RORA: variants seen among roughly 807,000 people sequenced by gnomAD.
RORA encodes the protein RAR related orphan receptor A.
Under a neutral mutation model 69.5 loss-of-function variants are expected in RORA, and 7 were observed. That is an observed-to-expected ratio of 0.10 (90% CI 0.06 to 0.19). RORA has a LOEUF of 0.19. Among genes scored for constraint, RORA ranks in the 10% least tolerant of loss-of-function variants. The pLI, the probability that RORA is intolerant of heterozygous loss-of-function variation, is 1.00. For missense variants in RORA, 457 were observed against 663.0 expected (o/e 0.69, Z 3.41); for synonymous variants, 261 against 240.8 (o/e 1.08, Z -0.78).
chr15:60,491,480 A>T lies in RORA; in HGVS notation c.*5975T>A, dbSNP rs1429726771. The T allele has an allele frequency of 6.6e-6, 1 of 152,100 alleles. No homozygotes were observed. The highest frequency in any genetic ancestry group is 1.5e-5 in the Non-Finnish European group (1 of 68,022). The allele number at this position is 152,100 out of a possible 1,614,324, so 9.4% of individuals were successfully genotyped here. On this transcript the variant is annotated 3_prime_UTR_variant, in exon 11 of 11. Coordinates refer to ENST00000335670, the MANE Select transcript of RORA (RefSeq NM_134261.3). ...ATATTCATATTCACTTTCTCAATAT[A>T]AGACTCCATGTTATGTTGCATCACT...
chr15:60,592,611 C>T, intron 2 of RORA: 1 of 1,182,350 alleles, frequency 8.5e-7, no homozygotes, highest in African/African-American at 1.6e-5. Flanking sequence ...TTACACCGCG[C>T]CCCTCCGCTT....
At chr15:61,219,472 G>A (rs2080074346) in intron 1 of RORA, among the ~76,000 whole-genome samples, 2 of 152,216 alleles carry the variant, frequency 1.3e-5, no homozygotes, top group Admixed American at 1.3e-4. Flanking sequence ...CTATTCGGGA[G>A]GCTGAGGCAG....
intron 1 of RORA, among the ~76,000 whole-genome samples, chr15:61,054,464 C>T (rs1047238742): frequency 1.3e-5 from 2 of 152,122 alleles, no homozygotes; most frequent in Non-Finnish European, 2.9e-5. Flanking sequence ...ATAATTAAGA[C>T]AGTAGGGCTA....
At chr15:60,618,771 T>C (rs2140614452) in intron 2 of RORA, among the ~76,000 whole-genome samples, 1 of 152,322 alleles carries the variant, frequency 6.6e-6, no homozygotes, top group Non-Finnish European at 1.5e-5. Flanking sequence ...CTTTCCAACA[T>C]TTCTATGTTA....
intron 1 of RORA, among the ~76,000 whole-genome samples, chr15:61,101,020 G>A (rs1595987113): frequency 6.6e-6 from 1 of 152,332 alleles, no homozygotes; most frequent in East Asian, 1.9e-4. Context: ...GATAGATAAT[G>A]TGCCTTAGCT....
At chr15:61,009,522 CTATT>C (rs1895024320) in intron 1 of RORA, among the ~76,000 whole-genome samples, 1 of 152,190 alleles carries the variant, frequency 6.6e-6, no homozygotes. Context: ...CATAGACTGT[CTATT>C]TATACCTATA....
chr15:60,522,986 C>T (rs1046855838), intron 3 of RORA, among the ~76,000 whole-genome samples: 4 of 147,658 alleles, frequency 2.7e-5, no homozygotes, highest in African/African-American at 1.0e-4. Context: ...TGCAGTGAGC[C>T]GAGATCACAC....
At chr15:61,223,917 A>T (rs1351439176) in intron 1 of RORA, among the ~76,000 whole-genome samples, 1 of 152,082 alleles carries the variant, frequency 6.6e-6, no homozygotes, top group African/African-American at 2.4e-5. Context: ...TTAAAAATAC[A>T]ATTTTATTTT....
chr15:60,777,782 G>A (rs1175786736), intron 1 of RORA, among the ~76,000 whole-genome samples: 6 of 152,156 alleles, frequency 3.9e-5, no homozygotes, highest in African/African-American at 1.4e-4. Context: ...CCGCAATCTC[G>A]GCAGCACAGG....
intron 1 of RORA, among the ~76,000 whole-genome samples, chr15:60,996,441 G>T (rs1191582643): frequency 3.3e-5 from 5 of 152,158 alleles, no homozygotes; most frequent in Non-Finnish European, 5.9e-5. Context: ...CTGAACACAA[G>T]ATCTGTATAC....
rs576835842 is a variant in RORA, at chr15:60,698,221, A to G, written c.167-19535T>C. Among the ~76,000 whole-genome samples the G allele has an allele frequency of 1.3e-4, 20 of 152,272 alleles. No homozygotes were observed. In the East Asian group the frequency reaches 2.7e-3, roughly 21 times the overall value. ...TATAGTCAAGTTTCAAGAATGGGGA[A>G]TGCTGTGGGAGTGTGCAGGCAATGG... On this transcript the variant is annotated intron_variant, in intron 1 of 10. Coordinates refer to ENST00000335670, the MANE Select transcript of RORA (RefSeq NM_134261.3).
Position 60,497,064 on chromosome 15 carries a change from A to G in RORA, c.*391T>C, listed in dbSNP as rs2065185525. On this transcript the variant is annotated 3_prime_UTR_variant, in exon 11 of 11. Coordinates refer to ENST00000335670, the MANE Select transcript of RORA (RefSeq NM_134261.3). ...TAATGCCGCAACCTCCGCTATGCAC[A>G]CCAGTCACCGATTATTGCTGGACTC... 1 of 164,054 alleles carries G rather than the reference A, an allele frequency of 6.1e-6. No individual in the cohort carries two copies. The highest frequency in any genetic ancestry group is 6.2e-5 in the Admixed American group (1 of 16,162). The allele number at this position is 164,054 out of a possible 1,614,324, so 10.2% of individuals were successfully genotyped here.
chr15:61,142,036 G>A (rs2079304357), intron 1 of RORA, among the ~76,000 whole-genome samples: 2 of 151,544 alleles, frequency 1.3e-5, no homozygotes, highest in African/African-American at 4.8e-5. Context: ...GAAGGGAACA[G>A]AAGGAACTAA....
intron 1 of RORA, among the ~76,000 whole-genome samples, chr15:61,134,808 G>A (rs2079221294): frequency 6.6e-6 from 1 of 152,042 alleles, no homozygotes; most frequent in African/African-American, 2.4e-5. Flanking sequence ...ATGGGCCTTT[G>A]GAAGGGTGGG....
chr15:60,683,647 T>TACACACAC (rs59854874), intron 1 of RORA, among the ~76,000 whole-genome samples: 26,569 of 148,546 alleles, frequency 0.18, 2,919 homozygotes, highest in African/African-American at 0.31. Context: ...CAGATACACA[T>TACACACAC]ACACACACAC....
chr15:60,779,653 T>A (rs1035495145), intron 1 of RORA, among the ~76,000 whole-genome samples: 2 of 152,218 alleles, frequency 1.3e-5, no homozygotes, highest in African/African-American at 4.8e-5. Flanking sequence ...AATCCACACT[T>A]CTTCTACAAA....
intron 1 of RORA, among the ~76,000 whole-genome samples, chr15:60,765,795 AG>A (rs1326183268): frequency 6.6e-6 from 1 of 152,132 alleles, no homozygotes; most frequent in African/African-American, 2.4e-5. Context: ...CACCAGGCCA[AG>A]GCAGCCCAGC....
intron 1 of RORA, among the ~76,000 whole-genome samples, chr15:60,690,212 G>GGACA (rs1156245578): frequency 2.6e-5 from 4 of 152,272 alleles, no homozygotes; most frequent in African/African-American, 9.6e-5. Context: ...AGTTTTAGAT[G>GGACA]GACACATAGC....
Position 60,490,597 on chromosome 15 carries a change from A to C in RORA, c.*6858T>G, listed in dbSNP as rs981697004. The C allele has an allele frequency of 6.6e-6, 1 of 152,174 alleles. No individual in the cohort carries two copies. Among genetic ancestry groups the C allele is most frequent in the East Asian group, 1.9e-4 (1 of 5,202 alleles). 9.4% of individuals were successfully genotyped at this position (152,174 alleles called of 1,614,324 possible). A position where few individuals can be genotyped will look rare whatever the true frequency, so the allele number is the denominator to read the frequency against. On this transcript the variant is annotated 3_prime_UTR_variant, in exon 11 of 11. Coordinates refer to ENST00000335670, the MANE Select transcript of RORA (RefSeq NM_134261.3). This position sits in a 1 kb window ranked among gnomAD's most constrained non-coding sequence, Gnocchi z 4.1. ...CGTTACAAGTTCTTAAGTTAATAGTAAATAAGGAATCGATTGCTCAAGTTG... is the reference window on the plus strand; with the variant it reads ...CGTTACAAGTTCTTAAGTTAATAGTCAATAAGGAATCGATTGCTCAAGTTG...
Sources: gnomAD v4.1 joint callset for allele counts (sites outside exome capture counted in the v4.1 genomes callset) on GRCh38, gnomAD v4.1.1 for gene constraint, Gnocchi (gnomAD v3.1) non-coding constraint, MANE v1.5 for transcripts, NCBI Gene and HGNC (gene_info 2026-07-23, HGNC 2026-07-21) for gene names.